Variants in MTREX observed in about 807,000 individuals in gnomAD.
MTREX encodes the protein exosome RNA helicase MTR4.
A neutral mutation model predicts 135.4 loss-of-function variants in MTREX; 76 were observed. The ratio of observed to expected loss-of-function variants is 0.56; its 90% CI spans 0.47 to 0.68. The LOEUF is 0.68. Ranked by LOEUF, MTREX falls within the 30% of genes least tolerant of loss-of-function variation. The probability of loss-of-function intolerance (pLI) is 0.00; values close to 1 mark genes in which losing one functional copy is unlikely to be tolerated. For synonymous variants in MTREX, 404 were observed against 401.6 expected (o/e 1.01, Z -0.07); for missense variants, 920 against 1,262.1 (o/e 0.73, Z 4.11).
At chr5:55,324,251 G>A (rs1366441656) in intron 3 of MTREX, 53 bp downstream of exon 3, 2 of 1,297,788 alleles carry the variant, frequency 1.5e-6, no homozygotes, top group Non-Finnish European at 1.1e-6. Context: ...ATTTTTCTTT[G>A]GACTATCTAG....
rs549419944 is a variant in MTREX at position 55,424,986 on chromosome 5, T to G, written c.*214T>G. 6 of 678,800 alleles carry G rather than the reference T, an allele frequency of 8.8e-6. No homozygotes were observed. Among genetic ancestry groups the G allele is most frequent in the Middle Eastern group, 3.9e-4 (1 of 2,582 alleles). The allele number at this position is 678,800 out of a possible 1,614,324, so 42.0% of individuals were successfully genotyped here. ...AAATGTATACAGGTGGGGCACTGTT[T>G]TGGTGGAAGGCTTGGAGTTTTTTTA... On this transcript the variant is annotated 3_prime_UTR_variant, in exon 27 of 27. Transcript: ENST00000230640.
chr5:55,336,253 C>T (rs1192877005), intron 5 of MTREX, among the ~76,000 whole-genome samples: 1 of 152,022 alleles, frequency 6.6e-6, no homozygotes, highest in Non-Finnish European at 1.5e-5. Context: ...TCTAGTACAA[C>T]GTTGGATAGT....
chr5:55,330,901 A>AT (rs1749465070), intron 5 of MTREX, among the ~76,000 whole-genome samples: 2 of 151,568 alleles, frequency 1.3e-5, no homozygotes, highest in Non-Finnish European at 1.5e-5. Flanking sequence ...ATTCTGTTTC[A>AT]TTTTGGATAG....
intron 1 of MTREX, among the ~76,000 whole-genome samples, chr5:55,313,035 T>C (rs1172512328): frequency 6.6e-6 from 1 of 152,216 alleles, no homozygotes; most frequent in African/African-American, 2.4e-5. Context: ...TCTTTGTTTT[T>C]ATAAAAAATA....
At chr5:55,351,331 G>A (rs1005104725) in intron 13 of MTREX, among the ~76,000 whole-genome samples, 1 of 152,060 alleles carries the variant, frequency 6.6e-6, no homozygotes, top group African/African-American at 2.4e-5. Context: ...TCGGGAGTTC[G>A]AGACCAGCCT....
chr5:55,342,227 C>G (rs527362938), intron 7 of MTREX, among the ~76,000 whole-genome samples: 1 of 152,200 alleles, frequency 6.6e-6, no homozygotes, highest in East Asian at 1.9e-4. Context: ...AAATAGTGGA[C>G]AACATGATAT....
chr5:55,377,699 G>A (rs916303067), intron 16 of MTREX, among the ~76,000 whole-genome samples: 1 of 152,064 alleles, frequency 6.6e-6, no homozygotes, highest in African/African-American at 2.4e-5. Flanking sequence ...GTGATTTATT[G>A]GTTGGTTTTT....
At chr5:55,342,182 T>C (rs906303345) in intron 7 of MTREX, among the ~76,000 whole-genome samples, 10 of 152,174 alleles carry the variant, frequency 6.6e-5, no homozygotes, top group Admixed American at 5.9e-4. Flanking sequence ...AGTGCTGGGA[T>C]TACAGGCGTG....
rs185199931 is a variant in MTREX, at chr5:55,384,064, C to T, written c.2053-3910C>T. Among the ~76,000 whole-genome samples the T allele has an allele frequency of 1.3e-3, 204 of 152,316 alleles. 2 individuals carry two copies. The Middle Eastern group carries it at 0.024, about 18-fold the overall frequency. On this transcript the variant is annotated intron_variant, in intron 18 of 26. Coordinates refer to ENST00000230640, the MANE Select transcript of MTREX (RefSeq NM_015360.5). ...GGGATTACATTTGTGAACCACTGTG[C>T]CCAGGCCATTATTTCTTTGAATATT...
Position 55,336,447 on chromosome 5 carries a change from A to G in MTREX, c.516-3563A>G, listed in dbSNP as rs149295820. ...AAAAATTGAGAATTTTTATCAAGAT[A>G]TGTTGTATTTTGTGAAATGATTTTT... On this transcript the variant is annotated intron_variant, in intron 5 of 26. Coordinates refer to ENST00000230640, the MANE Select transcript of MTREX (RefSeq NM_015360.5). 3.9e-3 allele frequency among the ~76,000 whole-genome samples: 598 copies of G among 152,290 alleles called. 6 individuals carry two copies. The highest frequency in any genetic ancestry group is 4.4e-3 in the Non-Finnish European group (301 of 68,014).
chr5:55,412,924 G>A (rs1164924759), intron 23 of MTREX, among the ~76,000 whole-genome samples: 1 of 152,084 alleles, frequency 6.6e-6, no homozygotes, highest in Non-Finnish European at 1.5e-5. Context: ...GCAATAATAT[G>A]GAATCTGGTT....
intron 5 of MTREX, among the ~76,000 whole-genome samples, chr5:55,332,637 T>C (rs1350383087): frequency 6.6e-6 from 1 of 152,174 alleles, no homozygotes; most frequent in African/African-American, 2.4e-5. Flanking sequence ...GGAGAGGAAA[T>C]TGGGCCTAAC....
chr5:55,310,309 A>G (rs1351381718), intron 1 of MTREX, among the ~76,000 whole-genome samples: 1 of 152,208 alleles, frequency 6.6e-6, no homozygotes, highest in African/African-American at 2.4e-5. Context: ...TCTTCTAGAT[A>G]TTTTTAAGAA....
At chr5:55,320,455 G>A (rs1749270717) in intron 1 of MTREX, among the ~76,000 whole-genome samples, 1 of 152,084 alleles carries the variant, frequency 6.6e-6, no homozygotes, top group African/African-American at 2.4e-5. Flanking sequence ...CTGACCTCGT[G>A]ATCTGCCCGC....
At position 55,375,154 on chromosome 5, in the gene MTREX, C is replaced by T. The variant is rs186832026; in HGVS notation, c.1811-3160C>T. Among the ~76,000 whole-genome samples the T allele has an allele frequency of 4.3e-3, 661 of 152,206 alleles. 5 individuals carry two copies. The highest frequency in any genetic ancestry group is 0.015 in the African/African-American group (621 of 41,528). The stretch of plus-strand genomic sequence containing the variant: ...AGATCACAGGACCGCAGGACCAGGG[C>T]GAAATTAAAATTGCTAATGAAGTTT... On this transcript the variant is annotated intron_variant, in intron 16 of 26. Coordinates refer to ENST00000230640, the MANE Select transcript of MTREX (RefSeq NM_015360.5).
At chr5:55,314,076 A>G (rs1438083896) in intron 1 of MTREX, among the ~76,000 whole-genome samples, 48 of 152,130 alleles carry the variant, frequency 3.2e-4, no homozygotes. Flanking sequence ...TTGCTGTTAC[A>G]AATGATGCAA....
At chr5:55,358,812 G>A (rs569712184) in intron 15 of MTREX, 114 bp downstream of exon 15, 1 of 791,412 alleles carries the variant, frequency 1.3e-6, no homozygotes, top group Admixed American at 3.4e-5. Flanking sequence ...TTAATATACT[G>A]AAACTATCTG....
Position 55,358,583 on chromosome 5 carries a change from G to T in MTREX, c.1544G>T (p.Gly515Val). 1.2e-6 allele frequency: 2 copies of T among 1,600,858 alleles called. No individual in the cohort carries two copies. The highest frequency in any genetic ancestry group is 1.1e-5 in the South Asian group (1 of 87,488). ...ACTATGTTCATTCAGATTTCTTCTG[G>T]TGAATACATTCAGATGTCTGGTCGT... Reference protein sequence around the residue: ...DGKDFRWISSGEYIQMSGRAG... With the variant: ...DGKDFRWISSVEYIQMSGRAG... The change falls in exon 15 of 27, where the codon GGT becomes GTT. Residue 515 changes from glycine (G) to valine (V), a missense_variant. Transcript: ENST00000230640.
At chr5:55,377,993 A>G (rs1457359868) in intron 16 of MTREX, among the ~76,000 whole-genome samples, 1 of 148,150 alleles carries the variant, frequency 6.7e-6, no homozygotes, top group East Asian at 2.0e-4. Context: ...CTATACGGAA[A>G]GGTGCAAAAA....
Sources: allele counts gnomAD v4.1 joint callset (sites outside exome capture counted in the v4.1 genomes callset), GRCh38; gene constraint gnomAD v4.1.1; transcripts MANE v1.5; gene names NCBI Gene and HGNC (gene_info 2026-07-23, HGNC 2026-07-21).